The following FGD5 variants were observed in gnomAD, a reference collection of about 807,000 sequenced individuals.
FGD5 encodes the protein FYVE, RhoGEF and PH domain-containing protein 5.
In FGD5, 28 loss-of-function variants were observed where a neutral mutation model predicts 133.4. That is an observed-to-expected ratio of 0.21 (90% CI 0.16 to 0.29). The LOEUF is 0.29. FGD5 is among the 10% of genes least tolerant of loss of function. The pLI, the probability that FGD5 is intolerant of heterozygous loss-of-function variation, is 1.00. For missense variants in FGD5, 1,858 were observed against 1,895.2 expected (o/e 0.98, Z 0.36); for synonymous variants, 810 against 776.5 (o/e 1.04, Z -0.72).
chr3:14,921,757 T>G (rs1316279843), intron 13 of FGD5, among the ~76,000 whole-genome samples, 161 bp from the exon 14 acceptor site: 1 of 152,228 alleles, frequency 6.6e-6, no homozygotes, highest in Non-Finnish European at 1.5e-5. Flanking sequence ...GGTCTGCTCG[T>G]AAACCTAGTC....
In FGD5 at chr3:14,821,471, C is replaced by T; in HGVS notation, c.2400C>T (p.Phe800=). ...PPRRPARAGA[F]TKLFEDQSRA... Reference sequence around the variant, plus strand: ...GGAGACCTGCCAGGGCTGGCGCGTTCACGAAGCTGTTTGAAGATCAGAGCA... The same window carrying T: ...GGAGACCTGCCAGGGCTGGCGCGTTTACGAAGCTGTTTGAAGATCAGAGCA... Residue 800 remains phenylalanine, a synonymous_variant, in exon 1 of 20, where the codon TTC becomes TTT. Transcript: ENST00000285046. 1.2e-6 allele frequency: 2 copies of T among 1,614,016 alleles called. No individual in the cohort carries two copies. The highest frequency in any genetic ancestry group is 1.7e-6 in the Non-Finnish European group (2 of 1,179,902).
intron 4 of FGD5, among the ~76,000 whole-genome samples, chr3:14,896,385 T>C (rs768541017): frequency 2.0e-5 from 3 of 152,032 alleles, no homozygotes; most frequent in Non-Finnish European, 2.9e-5. Flanking sequence ...ACTTCAAAAT[T>C]TACTTCGAAG....
chr3:14,841,093 C>T (rs1441978578), intron 1 of FGD5, among the ~76,000 whole-genome samples: 1 of 152,158 alleles, frequency 6.6e-6, no homozygotes, highest in African/African-American at 2.4e-5. Context: ...AAAGAACACT[C>T]AGATGCACCC....
At chr3:14,823,713 TGGTTGTGCA>T (rs982673701) in intron 1 of FGD5, among the ~76,000 whole-genome samples, 1 of 152,246 alleles carries the variant, frequency 6.6e-6, no homozygotes, top group African/African-American at 2.4e-5. Context: ...ATGCCAGGTC[TGGTTGTGCA>T]GGCTGCGCAT....
intron 1 of FGD5, among the ~76,000 whole-genome samples, chr3:14,812,367 C>T (rs1245232753): frequency 1.3e-5 from 2 of 152,206 alleles, no homozygotes; most frequent in East Asian, 3.8e-4. Flanking sequence ...TAGCTTTTTC[C>T]TACACTCCTA....
intron 1 of FGD5, among the ~76,000 whole-genome samples, chr3:14,825,227 GT>G (rs761367955): frequency 6.6e-6 from 1 of 152,168 alleles, no homozygotes; most frequent in Non-Finnish European, 1.5e-5. Flanking sequence ...TAGTAATACT[GT>G]TAACAGTCTT....
intron 2 of FGD5, among the ~76,000 whole-genome samples, chr3:14,877,733 C>T (rs923397435): frequency 6.6e-6 from 1 of 152,212 alleles, no homozygotes; most frequent in African/African-American, 2.4e-5. Context: ...TGTGTGTCTG[C>T]TCTGATGAAA....
chr3:14,927,196 C>T (rs1484057464), intron 18 of FGD5, among the ~76,000 whole-genome samples: 2 of 152,258 alleles, frequency 1.3e-5, no homozygotes, highest in Admixed American at 6.5e-5. Context: ...CTTGGGTACC[C>T]GGTAAGCTGC....
intron 1 of FGD5, among the ~76,000 whole-genome samples, chr3:14,861,742 G>C (rs769776862): frequency 6.6e-6 from 1 of 151,484 alleles, no homozygotes; most frequent in Non-Finnish European, 1.5e-5. Context: ...ATGCTGGGGA[G>C]ACCACAGCAG....
chr3:14,913,190 C>A (rs1367270194), intron 11 of FGD5, among the ~76,000 whole-genome samples: 4 of 152,278 alleles, frequency 2.6e-5, no homozygotes, highest in Middle Eastern at 3.4e-3. Context: ...CAAGTCTCCC[C>A]CCAGGAAAGT....
intron 1 of FGD5, among the ~76,000 whole-genome samples, chr3:14,851,106 G>T (rs1018721754): frequency 4.6e-5 from 7 of 152,130 alleles, no homozygotes; most frequent in African/African-American, 1.7e-4. Context: ...GGTGACAGAG[G>T]TGGGACCAGA....
chr3:14,843,707 G>GTTT (rs2036970556), intron 1 of FGD5, among the ~76,000 whole-genome samples: 1 of 88,720 alleles, frequency 1.1e-5, no homozygotes. Context: ...TTTTTTTGGG[G>GTTT]GGAGACAGAG....
At chr3:14,897,244 AGAGT>A in intron 4 of FGD5, 1 of 431,848 alleles carries the variant, frequency 2.3e-6, no homozygotes, top group Non-Finnish European at 4.1e-6. Context: ...CAACGAGAGG[AGAGT>A]GAGTGTGTGT....
chr3:14,848,802 T>A (rs927049710), intron 1 of FGD5, among the ~76,000 whole-genome samples: 2 of 152,118 alleles, frequency 1.3e-5, no homozygotes, highest in Non-Finnish European at 2.9e-5. Flanking sequence ...GATGTAAGGG[T>A]TGAGCTGGCC....
At position 14,821,409 on chromosome 3, in the gene FGD5, A is replaced by G. The variant is rs2036499547; in HGVS notation, c.2338A>G (p.Met780Val). The change falls in exon 1 of 20, where the codon ATG becomes GTG. Residue 780 changes from methionine (M) to valine (V), a missense_variant. Transcript: ENST00000285046. The part of the protein sequence containing the change: ...DTSDYENIPA[M>V]NSDYENIQIP... Reference sequence around the variant, plus strand: ...TTCAGACTATGAGAACATTCCAGCCATGAACTCGGACTATGAGAATATCCA... The same window carrying G: ...TTCAGACTATGAGAACATTCCAGCCGTGAACTCGGACTATGAGAATATCCA... 1 of 1,614,016 alleles carries G rather than the reference A, an allele frequency of 6.2e-7. No homozygotes were observed. Among genetic ancestry groups the G allele is most frequent in the Non-Finnish European group, 8.5e-7 (1 of 1,179,890 alleles).
At chr3:14,918,554 C>A (rs894225564) in intron 12 of FGD5, among the ~76,000 whole-genome samples, 200 bp from the exon 13 acceptor site, 1 of 152,192 alleles carries the variant, frequency 6.6e-6, no homozygotes, top group Non-Finnish European at 1.5e-5. Context: ...GCCTTCCCAG[C>A]GGTGGGTGAG....
intron 1 of FGD5, among the ~76,000 whole-genome samples, chr3:14,828,451 C>T (rs1375277967): frequency 3.3e-5 from 5 of 152,190 alleles, no homozygotes; most frequent in Non-Finnish European, 5.9e-5. Flanking sequence ...GTCACATCAT[C>T]TGCAGACAGG....
chr3:14,818,578 G>A (rs1252923008), upstream of FGD5, among the ~76,000 whole-genome samples: 1 of 152,182 alleles, frequency 6.6e-6, no homozygotes, highest in Non-Finnish European at 1.5e-5. Flanking sequence ...AGCAGGGAGG[G>A]TGACAGCAAG....
intron 13 of FGD5, among the ~76,000 whole-genome samples, chr3:14,920,989 A>G (rs2038668740): frequency 6.6e-6 from 1 of 152,230 alleles, no homozygotes; most frequent in African/African-American, 2.4e-5. Context: ...GATAAAATCA[A>G]GGGCAGGAGG....
Sources: allele counts gnomAD v4.1 joint callset (sites outside exome capture counted in the v4.1 genomes callset), GRCh38; gene constraint gnomAD v4.1.1; transcripts MANE v1.5; gene names NCBI Gene and HGNC (gene_info 2026-07-23, HGNC 2026-07-21).